Variants in KLHL32 observed in about 807,000 individuals in gnomAD.
The protein encoded by KLHL32 is kelch-like protein 32.
In KLHL32, 35 loss-of-function variants were observed where a neutral mutation model predicts 64.8. The ratio of observed to expected loss-of-function variants is 0.54; its 90% CI spans 0.41 to 0.72. The LOEUF (loss-of-function observed/expected upper bound fraction) is 0.72. Among genes scored for constraint, KLHL32 ranks in the 30% least tolerant of loss-of-function variants. KLHL32 has a pLI of 0.00. For synonymous variants in KLHL32, 259 were observed against 281.0 expected (o/e 0.92, Z 0.78); for missense variants, 589 against 768.5 (o/e 0.77, Z 2.76).
At chr6:97,018,862 G>A (rs1390541439) in intron 3 of KLHL32, among the ~76,000 whole-genome samples, 1 of 152,160 alleles carries the variant, frequency 6.6e-6, no homozygotes, top group African/African-American at 2.4e-5. Context: ...GAATCATAAG[G>A]AGAAATTAAC....
chr6:96,913,339 C>T, the KLHL32 span, among the ~76,000 whole-genome samples: 1 of 152,138 alleles, frequency 6.6e-6, no homozygotes, highest in Non-Finnish European at 1.5e-5. Context: ...CTGCAATAAC[C>T]AATCACTGTC....
intron 6 of KLHL32, among the ~76,000 whole-genome samples, chr6:97,093,134 C>A (rs929541579): frequency 1.3e-5 from 2 of 149,696 alleles, no homozygotes; most frequent in Non-Finnish European, 3.0e-5. Context: ...ATTACTTACG[C>A]ATTGGTGCCC....
intron 3 of KLHL32, among the ~76,000 whole-genome samples, chr6:97,033,210 T>C (rs1182896280): frequency 2.6e-5 from 4 of 152,170 alleles, no homozygotes; most frequent in African/African-American, 9.7e-5. Flanking sequence ...TATTATGATA[T>C]TTGCTTTATT....
chr6:97,103,380 A>G (rs1795986951), intron 6 of KLHL32, among the ~76,000 whole-genome samples: 1 of 151,830 alleles, frequency 6.6e-6, no homozygotes, highest in Non-Finnish European at 1.5e-5. Context: ...CACCTGGGTA[A>G]TTTTTTGTAT....
intron 1 of KLHL32, among the ~76,000 whole-genome samples, chr6:96,929,635 A>C (rs1393457067): frequency 1.3e-5 from 2 of 152,206 alleles, no homozygotes; most frequent in African/African-American, 2.4e-5. Context: ...TTTACCTAAG[A>C]GGAGCTGAGC....
At chr6:97,033,582 A>C (rs1012678296) in intron 3 of KLHL32, among the ~76,000 whole-genome samples, 1 of 151,896 alleles carries the variant, frequency 6.6e-6, no homozygotes, top group South Asian at 2.1e-4. Flanking sequence ...TTCTTTTTAA[A>C]TTTTTTTTAG....
intron 5 of KLHL32, among the ~76,000 whole-genome samples, chr6:97,073,520 T>G (rs1791093965): frequency 1.3e-5 from 2 of 152,192 alleles, no homozygotes; most frequent in Non-Finnish European, 2.9e-5. Flanking sequence ...TTAAAACATC[T>G]TTCTCCATCC....
At chr6:97,052,324 G>C (rs1787056363) in intron 4 of KLHL32, among the ~76,000 whole-genome samples, 1 of 152,152 alleles carries the variant, frequency 6.6e-6, no homozygotes, top group South Asian at 2.1e-4. Flanking sequence ...CAGATCCCAG[G>C]TGGCATGTGA....
At chr6:97,101,593 A>C (rs973769368) in intron 6 of KLHL32, among the ~76,000 whole-genome samples, 9 of 152,346 alleles carry the variant, frequency 5.9e-5, no homozygotes, top group African/African-American at 2.2e-4. Flanking sequence ...ACTGGGTTTC[A>C]GTCTGTCTCT....
intron 2 of KLHL32, among the ~76,000 whole-genome samples, chr6:96,973,647 T>A (rs1436157565): frequency 2.0e-5 from 3 of 152,016 alleles, no homozygotes. Flanking sequence ...ATTTTGAGAT[T>A]CATTATACAT....
chr6:97,113,358 C>G (rs1797420870), intron 6 of KLHL32, among the ~76,000 whole-genome samples: 1 of 152,068 alleles, frequency 6.6e-6, no homozygotes, highest in African/African-American at 2.4e-5. Flanking sequence ...GATACAGCAC[C>G]TTGGCTTATG....
chr6:96,927,389 A>G (rs1769292794), intron 1 of KLHL32, among the ~76,000 whole-genome samples: 1 of 152,258 alleles, frequency 6.6e-6, no homozygotes, highest in Admixed American at 6.5e-5. Context: ...AAGGAATGAA[A>G]ACATAAGTGG....
chr6:97,024,175 A>T (rs1168027503), intron 3 of KLHL32, among the ~76,000 whole-genome samples: 2 of 152,228 alleles, frequency 1.3e-5, no homozygotes, highest in Non-Finnish European at 2.9e-5. Context: ...CGGCCTTGAC[A>T]TTCTGCAAAG....
At chr6:96,967,472 T>G (rs1485796693) in intron 2 of KLHL32, among the ~76,000 whole-genome samples, 11 of 151,042 alleles carry the variant, frequency 7.3e-5, no homozygotes, top group Non-Finnish European at 1.2e-4. Context: ...TGTATATATA[T>G]ATAGAGAGAG....
At chr6:97,071,743 C>T (rs1327114464) in intron 5 of KLHL32, among the ~76,000 whole-genome samples, 1 of 152,138 alleles carries the variant, frequency 6.6e-6, no homozygotes, top group Non-Finnish European at 1.5e-5. Flanking sequence ...GTTGGTTTAG[C>T]CATTTAAATC....
At chr6:97,097,197 C>G (rs1795106072) in intron 6 of KLHL32, among the ~76,000 whole-genome samples, 1 of 152,174 alleles carries the variant, frequency 6.6e-6, no homozygotes, top group Non-Finnish European at 1.5e-5. Context: ...TTGCACCAAT[C>G]ATGCCTTCCT....
At chr6:97,022,189 C>T (rs1348729939) in intron 3 of KLHL32, among the ~76,000 whole-genome samples, 1 of 150,930 alleles carries the variant, frequency 6.6e-6, no homozygotes, top group Non-Finnish European at 1.5e-5. Context: ...ACGGTTTCTA[C>T]TCTTATGCAG....
rs373488464 is a variant in KLHL32 at position 96,967,499 on chromosome 6, T to TGAGA, written c.23+434_23+437dup. Among the ~76,000 whole-genome samples, 734 of 146,538 alleles carry TGAGA rather than the reference T, an allele frequency of 5.0e-3. 2 individuals carry two copies. Among genetic ancestry groups the TGAGA allele is most frequent in the Non-Finnish European group, 6.4e-3 (422 of 66,324 alleles). ...TAGAGAGAGAGATAGGGATAGAGAA[T>TGAGA]GAGAGAGAGAGAGAGAGAGAGGGAG... On this transcript the variant is annotated intron_variant, in intron 2 of 10. Coordinates refer to ENST00000369261, the MANE Select transcript of KLHL32 (RefSeq NM_052904.4).
At chr6:97,045,495 A>G (rs929275422) in intron 4 of KLHL32, among the ~76,000 whole-genome samples, 2 of 150,726 alleles carry the variant, frequency 1.3e-5, no homozygotes, top group African/African-American at 2.5e-5. Flanking sequence ...TTTTTTTTGT[A>G]AAACTACCCA....
Sources: gnomAD v4.1 joint callset for allele counts (sites outside exome capture counted in the v4.1 genomes callset) on GRCh38, gnomAD v4.1.1 for gene constraint, MANE v1.5 for transcripts, NCBI Gene and HGNC (gene_info 2026-07-23, HGNC 2026-07-21) for gene names.